Variants in TPD52 observed in about 807,000 individuals in gnomAD.
The protein encoded by TPD52 is tumor protein D52, also known as prostate and colon associated protein.
Under a neutral mutation model 31.3 loss-of-function variants are expected in TPD52, and 17 were observed. The observed-to-expected ratio is 0.54, with a 90% CI of 0.37 to 0.82. The LOEUF (loss-of-function observed/expected upper bound fraction) is 0.82. Among genes scored for constraint, TPD52 ranks in the 40% least tolerant of loss-of-function variants. TPD52 has a pLI of 0.00. For missense variants in TPD52, 212 were observed against 240.1 expected (o/e 0.88, Z 0.77); for synonymous variants, 83 against 89.6 (o/e 0.93, Z 0.42).
chr8:80,051,354 G>A, intron 4 of TPD52, 173 bp downstream of exon 4: 1 of 581,630 alleles, frequency 1.7e-6, no homozygotes, highest in East Asian at 3.0e-5. Context: ...TAGAATGCTA[G>A]GCCTAGAAGA....
At chr8:80,167,372 C>A (rs2033069) in intron 1 of TPD52, among the ~76,000 whole-genome samples, 1 of 151,978 alleles carries the variant, frequency 6.6e-6, no homozygotes, top group Non-Finnish European at 1.5e-5. Context: ...TGTGAGTGAG[C>A]GTATTTGTTT....
At chr8:80,124,760 C>T (rs1165576032) in intron 1 of TPD52, among the ~76,000 whole-genome samples, 4 of 151,830 alleles carry the variant, frequency 2.6e-5, no homozygotes, top group African/African-American at 9.7e-5. Flanking sequence ...ATCTTTTTTG[C>T]CATGCTTAGC....
intron 6 of TPD52, among the ~76,000 whole-genome samples, chr8:80,043,608 C>T (rs1406375720): frequency 1.3e-5 from 2 of 152,092 alleles, no homozygotes; most frequent in Admixed American, 6.5e-5. Flanking sequence ...GAGGTGGGGC[C>T]CAGCAAGCAG....
chr8:80,119,519 T>C (rs1286096025), intron 1 of TPD52, among the ~76,000 whole-genome samples: 1 of 152,334 alleles, frequency 6.6e-6, no homozygotes, highest in South Asian at 2.1e-4. Flanking sequence ...TGCTAGTACA[T>C]GGACAGTTTT....
At chr8:80,146,994 A>T (rs1810242099) in intron 1 of TPD52, among the ~76,000 whole-genome samples, 1 of 152,218 alleles carries the variant, frequency 6.6e-6, no homozygotes, top group African/African-American at 2.4e-5. Context: ...AGACCTACTG[A>T]ACCAGAACTC....
intron 1 of TPD52, among the ~76,000 whole-genome samples, chr8:80,086,563 A>T (rs980638091): frequency 6.6e-6 from 1 of 152,106 alleles, no homozygotes; most frequent in African/African-American, 2.4e-5. Flanking sequence ...CAGATTAGAT[A>T]AAAGTCTTGT....
intron 1 of TPD52, among the ~76,000 whole-genome samples, chr8:80,104,862 C>A (rs778696733): frequency 1.3e-5 from 2 of 151,952 alleles, no homozygotes. Context: ...GAGCTCAAGA[C>A]CAGCCTGGGC....
intron 1 of TPD52, among the ~76,000 whole-genome samples, chr8:80,089,971 C>G (rs1397384330): frequency 6.6e-6 from 1 of 152,134 alleles, no homozygotes; most frequent in African/African-American, 2.4e-5. Context: ...CAAGAAGAAG[C>G]CACAGGACTT....
At chr8:80,141,726 A>G (rs1238478278) in intron 1 of TPD52, among the ~76,000 whole-genome samples, 1 of 152,122 alleles carries the variant, frequency 6.6e-6, no homozygotes, top group Non-Finnish European at 1.5e-5. Flanking sequence ...CCTGGCCAAC[A>G]TGGTGAAATC....
chr8:80,139,963 T>C (rs1809711990), intron 1 of TPD52, among the ~76,000 whole-genome samples: 2 of 152,228 alleles, frequency 1.3e-5, no homozygotes, highest in Admixed American at 1.3e-4. Context: ...GCAGGCTCCA[T>C]GTTAGCAGTA....
intron 7 of TPD52, among the ~76,000 whole-genome samples, chr8:80,041,726 C>T (rs74549609): frequency 0.022 from 3,259 of 149,942 alleles, 102 homozygotes; most frequent in African/African-American, 0.076. Flanking sequence ...GAATCATAAA[C>T]GATCATCATG....
intron 1 of TPD52, among the ~76,000 whole-genome samples, chr8:80,148,239 A>G (rs1358479235): frequency 6.6e-6 from 1 of 151,342 alleles, no homozygotes. Flanking sequence ...TGAAGCTTCA[A>G]CCTCCCGGGC....
At chr8:80,092,645 G>T (rs113576301) in intron 1 of TPD52, among the ~76,000 whole-genome samples, 7 of 152,140 alleles carry the variant, frequency 4.6e-5, no homozygotes, top group Non-Finnish European at 1.0e-4. Flanking sequence ...AGGTCATTAT[G>T]TTAAGTGAAA....
intron 2 of TPD52, among the ~76,000 whole-genome samples, chr8:80,057,041 GC>G (rs1811969714): frequency 6.6e-6 from 1 of 152,080 alleles, no homozygotes; most frequent in African/African-American, 2.4e-5. Flanking sequence ...GTGGTGGTGT[GC>G]CTATAATCCC....
At chr8:80,101,387 G>A (rs1806722292) in intron 1 of TPD52, among the ~76,000 whole-genome samples, 1 of 146,822 alleles carries the variant, frequency 6.8e-6, no homozygotes. Context: ...GGTGGAGGTT[G>A]CAGTGAGCTG....
intron 1 of TPD52, among the ~76,000 whole-genome samples, chr8:80,154,316 C>T (rs1016467679): frequency 5.3e-5 from 8 of 152,180 alleles, no homozygotes; most frequent in African/African-American, 1.7e-4. Context: ...AGGCCCAGCC[C>T]GCAGCCTCCC....
intron 1 of TPD52, among the ~76,000 whole-genome samples, chr8:80,138,495 T>C (rs1163568941): frequency 6.6e-6 from 1 of 152,172 alleles, no homozygotes; most frequent in Non-Finnish European, 1.5e-5. Context: ...AGAGATTAGA[T>C]ACATTATATC....
At chr8:80,142,839 G>A (rs1217912247) in intron 1 of TPD52, among the ~76,000 whole-genome samples, 1 of 152,194 alleles carries the variant, frequency 6.6e-6, no homozygotes, top group Admixed American at 6.5e-5. Flanking sequence ...TGACGACACT[G>A]CTGACTGTTG....
chr8:80,050,562 TTCCCTGGGCTC>T, intron 4 of TPD52, 91 bp from the exon 5 acceptor site: 1 of 1,300,522 alleles, frequency 7.7e-7, no homozygotes, highest in Non-Finnish European at 1.1e-6. Flanking sequence ...ATATAATGTT[TTCCCTGGGCTC>T]TAAACTGCTA....
Sources: gnomAD v4.1 joint callset for allele counts (sites outside exome capture counted in the v4.1 genomes callset) on GRCh38, gnomAD v4.1.1 for gene constraint, MANE v1.5 for transcripts, NCBI Gene and HGNC (gene_info 2026-07-23, HGNC 2026-07-21) for gene names.